Variants in EYA1 observed in about 807,000 individuals in gnomAD.
The protein encoded by EYA1 is EYA transcriptional coactivator and phosphatase 1.
Under a neutral mutation model 82.0 loss-of-function variants are expected in EYA1, and 16 were observed. The ratio of observed to expected loss-of-function variants is 0.20; its 90% CI spans 0.13 to 0.30. EYA1 has a LOEUF of 0.30. EYA1 is among the 10% of genes least tolerant of loss of function. The probability of loss-of-function intolerance (pLI) is 1.00; values close to 1 mark genes in which losing one functional copy is unlikely to be tolerated. For synonymous variants in EYA1, 261 were observed against 264.4 expected (o/e 0.99, Z 0.12); for missense variants, 633 against 730.7 (o/e 0.87, Z 1.54).
intron 12 of EYA1, among the ~76,000 whole-genome samples, chr8:71,233,359 T>C (rs564920832): frequency 6.6e-6 from 1 of 152,072 alleles, no homozygotes; most frequent in African/African-American, 2.4e-5. Flanking sequence ...GGTCAGGAGA[T>C]CGAGACCATC....
intron 9 of EYA1, among the ~76,000 whole-genome samples, chr8:71,280,888 A>G (rs951459937): frequency 1.7e-4 from 26 of 152,078 alleles, no homozygotes; most frequent in African/African-American, 6.0e-4. Flanking sequence ...AGCTGAGTCT[A>G]TAAGTGAGCA....
chr8:71,472,126 G>A (rs780305137), intron 2 of EYA1, among the ~76,000 whole-genome samples: 1 of 152,052 alleles, frequency 6.6e-6, no homozygotes, highest in Non-Finnish European at 1.5e-5. Flanking sequence ...TTGCAACTGC[G>A]TTTCTCTCTT....
chr8:71,401,540 AT>A (rs1317630992), intron 2 of EYA1, among the ~76,000 whole-genome samples: 3 of 152,212 alleles, frequency 2.0e-5, no homozygotes, highest in Non-Finnish European at 4.4e-5. Context: ...ATATTAGCAT[AT>A]TTCACAGGTT....
intron 11 of EYA1, among the ~76,000 whole-genome samples, chr8:71,264,733 C>G (rs914090248): frequency 6.6e-6 from 1 of 152,040 alleles, no homozygotes; most frequent in Non-Finnish European, 1.5e-5. Context: ...CATGTGCCAC[C>G]ACACCCAGCT....
At chr8:71,461,070 A>G (rs1208112500) in intron 2 of EYA1, among the ~76,000 whole-genome samples, 12 of 152,228 alleles carry the variant, frequency 7.9e-5, no homozygotes, top group Admixed American at 7.9e-4. Flanking sequence ...CAATAGAAAT[A>G]TAATGTGAGT....
chr8:71,482,987 A>G (rs1022183730), intron 2 of EYA1, among the ~76,000 whole-genome samples: 4 of 152,194 alleles, frequency 2.6e-5, no homozygotes, highest in Admixed American at 1.3e-4. Context: ...TGCTCCTACC[A>G]TGACTGCACC....
chr8:71,254,834 C>G (rs868453379), intron 11 of EYA1, among the ~76,000 whole-genome samples: 175 of 151,286 alleles, frequency 1.2e-3, no homozygotes, highest in African/African-American at 4.1e-3. Context: ...CGAAGACCTC[C>G]CCCCACCCCG....
chr8:71,498,661 A>G (rs1811594512), intron 2 of EYA1, among the ~76,000 whole-genome samples: 1 of 152,130 alleles, frequency 6.6e-6, no homozygotes. Context: ...GGTTCCAACA[A>G]CCATAGATAT....
chr8:71,290,382 T>C (rs546484415), intron 9 of EYA1, among the ~76,000 whole-genome samples: 14 of 152,224 alleles, frequency 9.2e-5, no homozygotes, highest in Non-Finnish European at 1.8e-4. Context: ...TGACACTTAA[T>C]ATGTAACAGT....
chr8:71,281,615 A>G (rs966675014), intron 9 of EYA1, among the ~76,000 whole-genome samples: 3 of 152,200 alleles, frequency 2.0e-5, no homozygotes, highest in Non-Finnish European at 4.4e-5. Flanking sequence ...GCTGACTGTG[A>G]TTCTTGCATC....
Position 71,361,814 on chromosome 8 carries a change from G to T in EYA1, c.-222C>A. 1 of 985,498 alleles carries T rather than the reference G, an allele frequency of 1.0e-6. No individual in the cohort carries two copies. Among genetic ancestry groups the T allele is most frequent in the Non-Finnish European group, 1.2e-6 (1 of 829,956 alleles). 61.0% of individuals were successfully genotyped at this position (985,498 alleles called of 1,614,324 possible). On this transcript the variant is annotated 5_prime_UTR_variant, in exon 1 of 18. Transcript: ENST00000340726. ...CTGGGAGTGGAGCGCCTCTGCAGGG[G>T]AAAGCTCGGCGCAGGGGGCAGGCGC...
intron 2 of EYA1, among the ~76,000 whole-genome samples, chr8:71,394,274 G>A (rs2129115931): frequency 6.6e-6 from 1 of 152,244 alleles, no homozygotes; most frequent in Admixed American, 6.5e-5. Flanking sequence ...TTCTTTTGCT[G>A]TGCAGAAGCT....
At chr8:71,415,615 T>C (rs1336924483) in intron 2 of EYA1, among the ~76,000 whole-genome samples, 2 of 152,210 alleles carry the variant, frequency 1.3e-5, no homozygotes, top group African/African-American at 4.8e-5. Flanking sequence ...CATATTTACA[T>C]GGAGCCTTCC....
chr8:71,244,973 C>T (rs1812901656), intron 11 of EYA1, among the ~76,000 whole-genome samples: 1 of 152,146 alleles, frequency 6.6e-6, no homozygotes, highest in African/African-American at 2.4e-5. Flanking sequence ...GTTACTTAGA[C>T]ATATAAAATA....
intron 11 of EYA1, among the ~76,000 whole-genome samples, chr8:71,255,070 A>G (rs974144365): frequency 5.9e-5 from 9 of 152,196 alleles, no homozygotes; most frequent in Non-Finnish European, 1.0e-4. Flanking sequence ...ACGCTGAAAA[A>G]TTTTAAAAAA....
chr8:71,387,820 AATT>A (rs1829050069), intron 2 of EYA1, among the ~76,000 whole-genome samples: 1 of 152,142 alleles, frequency 6.6e-6, no homozygotes. Flanking sequence ...TATTTTTGAA[AATT>A]ATTAGAAATG....
At chr8:71,405,125 G>T (rs923927433) in intron 2 of EYA1, among the ~76,000 whole-genome samples, 1 of 151,962 alleles carries the variant, frequency 6.6e-6, no homozygotes, top group Non-Finnish European at 1.5e-5. Flanking sequence ...CATATTACAC[G>T]TTCCAGAAAG....
intron 11 of EYA1, 138 bp downstream of exon 11, chr8:71,269,602 A>G (rs1190736300): frequency 8.8e-6 from 5 of 569,640 alleles, no homozygotes; most frequent in Non-Finnish European, 1.5e-5. Context: ...TACCTTACAT[A>G]TATATATTTG....
At chr8:71,478,491 T>C (rs1809845626) in intron 2 of EYA1, among the ~76,000 whole-genome samples, 1 of 152,210 alleles carries the variant, frequency 6.6e-6, no homozygotes, top group Non-Finnish European at 1.5e-5. Context: ...AATGTTATCC[T>C]TGGAGAACTT....
Sources: allele counts gnomAD v4.1 joint callset (sites outside exome capture counted in the v4.1 genomes callset), GRCh38; gene constraint gnomAD v4.1.1; transcripts MANE v1.5; gene names NCBI Gene and HGNC (gene_info 2026-07-23, HGNC 2026-07-21).